The following PTPRG variants were observed in gnomAD, a reference collection of about 807,000 sequenced individuals.
The protein encoded by PTPRG is receptor-type tyrosine-protein phosphatase gamma.
Under a neutral mutation model 165.3 loss-of-function variants are expected in PTPRG, and 102 were observed. The observed-to-expected ratio is 0.62, with a 90% CI of 0.53 to 0.73. PTPRG has a LOEUF of 0.73. Among genes scored for constraint, PTPRG ranks in the 30% least tolerant of loss-of-function variants. PTPRG has a pLI of 0.00. For missense variants in PTPRG, 1,866 were observed against 1,861.4 expected (o/e 1.00, Z -0.05); for synonymous variants, 675 against 669.5 (o/e 1.01, Z -0.13).
chr3:62,128,541 GC>G (rs1703398301), intron 5 of PTPRG, among the ~76,000 whole-genome samples: 1 of 151,658 alleles, frequency 6.6e-6, no homozygotes, highest in African/African-American at 2.4e-5. Context: ...TCAACTTGTT[GC>G]CCGGTGTTAT....
At chr3:62,061,657 C>A (rs1427894641) in intron 4 of PTPRG, among the ~76,000 whole-genome samples, 1 of 146,886 alleles carries the variant, frequency 6.8e-6, no homozygotes, top group African/African-American at 2.5e-5. Context: ...TAGATGGAGT[C>A]TCGCTCTGTC....
At chr3:61,844,311 T>C (rs574405328) in intron 2 of PTPRG, among the ~76,000 whole-genome samples, 2 of 152,328 alleles carry the variant, frequency 1.3e-5, no homozygotes, top group African/African-American at 2.4e-5. Context: ...ACACTACTGA[T>C]GAAATGGCGT....
chr3:62,184,941 T>G (rs11711066), intron 8 of PTPRG, among the ~76,000 whole-genome samples: 12,943 of 151,746 alleles, frequency 0.085, 769 homozygotes, highest in Non-Finnish European at 0.13. Flanking sequence ...TGCAGATAGT[T>G]TAAGGCACTT....
chr3:62,175,709 G>A (rs1037031630), intron 8 of PTPRG, among the ~76,000 whole-genome samples: 14 of 152,308 alleles, frequency 9.2e-5, no homozygotes, highest in African/African-American at 3.1e-4. Context: ...CACTGATGAT[G>A]GGCTTCAATG....
At chr3:61,805,242 C>A (rs2035376062) in intron 2 of PTPRG, among the ~76,000 whole-genome samples, 2 of 152,102 alleles carry the variant, frequency 1.3e-5, no homozygotes. Context: ...TTGGAGCTAC[C>A]AGCCTCTAGT....
chr3:61,813,543 CTGTGTGTGTGTGTGTGTGTGTGTGTG>C (rs58097355), intron 2 of PTPRG, among the ~76,000 whole-genome samples: 10 of 116,916 alleles, frequency 8.6e-5, no homozygotes, highest in Admixed American at 3.7e-4. Context: ...AAAAGAAAAT[CTGTGTGTGTGTGTGTGTGTGTGTGTG>C]TGTGTGTGTG....
intron 6 of PTPRG, among the ~76,000 whole-genome samples, chr3:62,145,602 A>G (rs1483702203): frequency 6.6e-6 from 1 of 152,190 alleles, no homozygotes; most frequent in Admixed American, 6.5e-5. Context: ...TTTTGAGATC[A>G]GGGGAAAGGG....
chr3:61,597,342 G>A (rs1185037991), intron 1 of PTPRG, among the ~76,000 whole-genome samples: 1 of 152,132 alleles, frequency 6.6e-6, no homozygotes, highest in Non-Finnish European at 1.5e-5. Flanking sequence ...ACCAAAATTT[G>A]CAGATGCTCA....
chr3:61,687,823 A>C (rs373957783), intron 1 of PTPRG, among the ~76,000 whole-genome samples: 1 of 152,220 alleles, frequency 6.6e-6, no homozygotes, highest in Non-Finnish European at 1.5e-5. Flanking sequence ...AATAGCCCTC[A>C]GAATATGACA....
At chr3:62,035,932 G>GT (rs1184375188) in intron 4 of PTPRG, among the ~76,000 whole-genome samples, 1 of 151,788 alleles carries the variant, frequency 6.6e-6, no homozygotes, top group Non-Finnish European at 1.5e-5. Flanking sequence ...TTAACTGTAG[G>GT]TTTTATGGGT....
intron 1 of PTPRG, among the ~76,000 whole-genome samples, chr3:61,593,317 A>G (rs573358234): frequency 6.6e-6 from 1 of 151,982 alleles, no homozygotes; most frequent in South Asian, 2.1e-4. Flanking sequence ...CACCATGATG[A>G]ATTGCTTTTA....
At chr3:62,134,288 A>C (rs1203777552) in intron 6 of PTPRG, among the ~76,000 whole-genome samples, 1 of 152,212 alleles carries the variant, frequency 6.6e-6, no homozygotes, top group Non-Finnish European at 1.5e-5. Context: ...TGACCTACAA[A>C]GGAAGTTCAC....
intron 2 of PTPRG, among the ~76,000 whole-genome samples, chr3:61,758,697 C>T (rs575954910): frequency 6.6e-6 from 1 of 152,176 alleles, no homozygotes; most frequent in South Asian, 2.1e-4. Flanking sequence ...AGGTGATCCG[C>T]CCACCTCAGC....
chr3:61,864,252 G>A (rs1390217719), intron 2 of PTPRG, among the ~76,000 whole-genome samples: 3 of 152,104 alleles, frequency 2.0e-5, no homozygotes, highest in African/African-American at 7.2e-5. Context: ...AGAACCTTTT[G>A]TATCATTTTA....
chr3:61,768,719 A>G (rs74951078), intron 2 of PTPRG, among the ~76,000 whole-genome samples: 2,058 of 152,254 alleles, frequency 0.014, 48 homozygotes, highest in African/African-American at 0.047. Flanking sequence ...TTCACTGTGC[A>G]CTTAGACGTC....
chr3:61,754,042 AT>A (rs2033549592), intron 2 of PTPRG, among the ~76,000 whole-genome samples: 1 of 151,894 alleles, frequency 6.6e-6, no homozygotes, highest in African/African-American at 2.4e-5. Flanking sequence ...TCTCTATCTC[AT>A]TTTCCCCTGT....
chr3:61,782,997 G>T (rs1050382272), intron 2 of PTPRG, among the ~76,000 whole-genome samples: 2 of 151,820 alleles, frequency 1.3e-5, no homozygotes, highest in Non-Finnish European at 2.9e-5. Flanking sequence ...TAAGAGATGG[G>T]GACTCACTAT....
chr3:61,807,926 T>C (rs900103057), intron 2 of PTPRG, among the ~76,000 whole-genome samples: 4 of 152,178 alleles, frequency 2.6e-5, no homozygotes, highest in Non-Finnish European at 4.4e-5. Context: ...CTCTGACATA[T>C]GGTTCAACAA....
At chr3:62,077,922 TGGGA>T (rs1701442351) in intron 4 of PTPRG, among the ~76,000 whole-genome samples, 1 of 148,678 alleles carries the variant, frequency 6.7e-6, no homozygotes, top group Non-Finnish European at 1.5e-5. Context: ...CGCTTGAACC[TGGGA>T]GGCGGAGGTT....
Sources: gnomAD v4.1 joint callset for allele counts (sites outside exome capture counted in the v4.1 genomes callset) on GRCh38, gnomAD v4.1.1 for gene constraint, MANE v1.5 for transcripts, NCBI Gene and HGNC (gene_info 2026-07-23, HGNC 2026-07-21) for gene names.